The following SIPA1L3 variants were observed in gnomAD, a reference collection of about 807,000 sequenced individuals.
SIPA1L3 encodes the protein signal-induced proliferation-associated 1-like protein 3.
In SIPA1L3, 59 loss-of-function variants were observed where a neutral mutation model predicts 150.1. The observed-to-expected ratio is 0.39, with a 90% CI of 0.32 to 0.49. The LOEUF (loss-of-function observed/expected upper bound fraction) is 0.49. Among genes scored for constraint, SIPA1L3 ranks in the 20% least tolerant of loss-of-function variants. The pLI, the probability that SIPA1L3 is intolerant of heterozygous loss-of-function variation, is 0.86. For missense variants in SIPA1L3, 2,211 were observed against 2,489.5 expected (o/e 0.89, Z 2.38); for synonymous variants, 1,070 against 1,077.6 (o/e 0.99, Z 0.14).
At chr19:38,152,051 C>A (rs917820383) in intron 12 of SIPA1L3, among the ~76,000 whole-genome samples, 1 of 151,912 alleles carries the variant, frequency 6.6e-6, no homozygotes, top group Admixed American at 6.6e-5. Context: ...TAAATCCTAG[C>A]CTTGCATGTG....
intron 9 of SIPA1L3, among the ~76,000 whole-genome samples, chr19:38,124,325 GGTC>G (rs1214695882): frequency 6.7e-6 from 1 of 150,150 alleles, no homozygotes; most frequent in African/African-American, 2.5e-5. Context: ...TCCCAGACGG[GGTC>G]GCGGCCAGGC....
intron 14 of SIPA1L3, among the ~76,000 whole-genome samples, chr19:38,162,942 G>T (rs1219574050): frequency 6.6e-6 from 1 of 152,226 alleles, no homozygotes; most frequent in Non-Finnish European, 1.5e-5. Flanking sequence ...TGCAAGGGAG[G>T]CTGGGAAATG....
At chr19:38,030,647 T>TATATATATATATATATATATATATAA (rs1968631249) in intron 2 of SIPA1L3, among the ~76,000 whole-genome samples, 1 of 99,778 alleles carries the variant, frequency 1.0e-5, no homozygotes. Flanking sequence ...TATATATATA[T>TATATATATATATATATATATATATAA]ATATGGCAAA....
intron 3 of SIPA1L3, among the ~76,000 whole-genome samples, 160 bp downstream of exon 3, chr19:38,083,259 C>G (rs1033251661): frequency 6.6e-5 from 10 of 152,056 alleles, no homozygotes; most frequent in African/African-American, 2.4e-4. Context: ...ATCCGGTGAG[C>G]AGAGCCACCC....
In SIPA1L3 at chr19:38,206,502, A is replaced by G; in HGVS notation, c.*262A>G. On this transcript the variant is annotated 3_prime_UTR_variant, in exon 22 of 22. Coordinates refer to ENST00000222345, the MANE Select transcript of SIPA1L3 (RefSeq NM_015073.3). ...GGTCCCGGTGAGCTGGGCTGTGCTT[A>G]CACCGCTCCCGGGCCTGCCCCGCTG... The G allele has an allele frequency of 2.5e-6, 1 of 407,904 alleles. No individual in the cohort carries two copies. Among genetic ancestry groups the G allele is most frequent in the South Asian group, 4.2e-5 (1 of 23,784 alleles). The allele number at this position is 407,904 out of a possible 1,614,324, so 25.3% of individuals were successfully genotyped here. A position where few individuals can be genotyped will look rare whatever the true frequency, so the allele number is the denominator to read the frequency against.
At chr19:38,072,609 G>A (rs1260498715) in intron 2 of SIPA1L3, among the ~76,000 whole-genome samples, 1 of 152,266 alleles carries the variant, frequency 6.6e-6, no homozygotes, top group South Asian at 2.1e-4. Context: ...TTCAGCTCCA[G>A]CACTCCTGGT....
chr19:38,000,360 CT>C (rs1476304082), intron 1 of SIPA1L3, among the ~76,000 whole-genome samples: 1 of 151,608 alleles, frequency 6.6e-6, no homozygotes, highest in Non-Finnish European at 1.5e-5. Flanking sequence ...CCCAGCTACT[CT>C]GGAGGCTGAG....
Position 38,046,114 on chromosome 19 carries a change from C to T in SIPA1L3, c.-311+16958C>T, listed in dbSNP as rs1260958280. 1.3e-5 allele frequency among the ~76,000 whole-genome samples: 2 copies of T among 152,128 alleles called. No individual in the cohort carries two copies. Among genetic ancestry groups the T allele is most frequent in the Admixed American group, 1.3e-4 (2 of 15,272 alleles). On this transcript the variant is annotated intron_variant, in intron 2 of 21. Transcript: ENST00000222345. The surrounding 1 kb of genome is among the most constrained non-coding windows in gnomAD (Gnocchi z 5.6). The stretch of plus-strand genomic sequence containing the variant: ...CTTGAAGCTTTTTGCCGTCATCTGG[C>T]CACTCAGTCGGCGGGGTTGAGAGGA...
In SIPA1L3 at chr19:38,206,570, T is replaced by C. The variant is rs1178493037; in HGVS notation, c.*330T>C. The C allele has an allele frequency of 4.4e-6, 1 of 226,100 alleles. No homozygotes were observed. The highest frequency in any genetic ancestry group is 8.6e-6 in the Non-Finnish European group (1 of 116,552). The allele number at this position is 226,100 out of a possible 1,614,324, so 14.0% of individuals were successfully genotyped here. On this transcript the variant is annotated 3_prime_UTR_variant, in exon 22 of 22. Transcript: ENST00000222345. ...CCTGGGACCAGCCCTTCGAAGCTGA[T>C]GGGGACGGAGAGAGGAGCCAGTCTC... is the stretch of plus-strand genomic sequence containing the variant.
chr19:38,014,489 C>T (rs1384795435), intron 1 of SIPA1L3, among the ~76,000 whole-genome samples: 1 of 151,638 alleles, frequency 6.6e-6, no homozygotes, highest in Non-Finnish European at 1.5e-5. Flanking sequence ...TAATTCACGT[C>T]CACCCCAAGC....
intron 15 of SIPA1L3, among the ~76,000 whole-genome samples, chr19:38,169,564 G>C (rs1972282273): frequency 6.6e-6 from 1 of 152,168 alleles, no homozygotes; most frequent in Non-Finnish European, 1.5e-5. Context: ...TACATCATAG[G>C]GATGTGGTAA....
intron 1 of SIPA1L3, among the ~76,000 whole-genome samples, chr19:37,989,397 ATATT>A (rs1967441883): frequency 6.6e-6 from 1 of 152,102 alleles, no homozygotes; most frequent in South Asian, 2.1e-4. Context: ...TTTTTAAAAA[ATATT>A]TAGTAGAGAC....
At chr19:37,996,923 C>A (rs941971039) in intron 1 of SIPA1L3, among the ~76,000 whole-genome samples, 1 of 151,986 alleles carries the variant, frequency 6.6e-6, no homozygotes, top group African/African-American at 2.4e-5. Context: ...TCTCGAACTC[C>A]TGACCTCAGG....
Position 38,081,563 on chromosome 19 carries a change from A to G in SIPA1L3, c.-3A>G, listed in dbSNP as rs1969980565. The G allele has an allele frequency of 6.4e-7, 1 of 1,574,636 alleles. No homozygotes were observed. The highest frequency in any genetic ancestry group is 8.6e-7 in the Non-Finnish European group (1 of 1,156,602). ...GCCAGCAGCACTCCAGTGCCCGTGG[A>G]CTATGACCACCTATCGGGCCATCCC... On this transcript the variant is annotated 5_prime_UTR_variant, in exon 3 of 22. Coordinates refer to ENST00000222345, the MANE Select transcript of SIPA1L3 (RefSeq NM_015073.3).
chr19:38,155,192 G>A (rs188440150), intron 13 of SIPA1L3, among the ~76,000 whole-genome samples: 66 of 152,108 alleles, frequency 4.3e-4, no homozygotes, highest in Admixed American at 2.4e-3. Context: ...CATTCATTCC[G>A]GTGGGCAGGT....
At position 38,082,613 on chromosome 19, in the gene SIPA1L3, T is replaced by G. The variant is rs778652500; in HGVS notation, c.1048T>G (p.Phe350Val). Reference sequence around the variant, plus strand: ...CCACTTCGACGTGCAGAGCATGCTGTTCGACCTCAACGAGGCGGCCGCCAA... The same window carrying G: ...CCACTTCGACGTGCAGAGCATGCTGGTCGACCTCAACGAGGCGGCCGCCAA... The part of the protein sequence containing the change: ...FAHFDVQSML[F>V]DLNEAAANRV... Residue 350 changes from phenylalanine to valine, a missense_variant, in exon 3 of 22, where the codon TTC (phenylalanine) becomes GTC (valine). Physicochemically the swap from Phe to Val is conservative, Grantham distance 50. This residue lies in a region of SIPA1L3 where 587 missense variants were observed against 534.5 expected (regional missense o/e 1.10). Coordinates refer to ENST00000222345, the MANE Select transcript of SIPA1L3 (RefSeq NM_015073.3). 6 of 1,604,540 alleles carry G rather than the reference T, an allele frequency of 3.7e-6. No individual in the cohort carries two copies. In the East Asian group the frequency reaches 1.3e-4, roughly 36 times the overall value.
chr19:38,116,729 C>T (rs1970894452), intron 8 of SIPA1L3, among the ~76,000 whole-genome samples: 1 of 152,012 alleles, frequency 6.6e-6, no homozygotes, highest in Non-Finnish European at 1.5e-5. Context: ...TGGTGCACGC[C>T]TGTAATCCCA....
At chr19:38,172,704 A>C (rs1600168508) in intron 15 of SIPA1L3, among the ~76,000 whole-genome samples, 1 of 152,164 alleles carries the variant, frequency 6.6e-6, no homozygotes, top group East Asian at 1.9e-4. Flanking sequence ...AGGTGGCAGG[A>C]GCCTGGTTCT....
At chr19:38,103,628 C>CT (rs558638580) in intron 6 of SIPA1L3, among the ~76,000 whole-genome samples, 6 of 137,342 alleles carry the variant, frequency 4.4e-5, no homozygotes, top group Non-Finnish European at 7.8e-5. Context: ...AACTTCATCT[C>CT]AAAAAAAAAA....
Sources: allele counts gnomAD v4.1 joint callset (sites outside exome capture counted in the v4.1 genomes callset), GRCh38; gene constraint gnomAD v4.1.1; regional missense constraint gnomAD v4.1.1; non-coding constraint Gnocchi (gnomAD v3.1); transcripts MANE v1.5; gene names NCBI Gene and HGNC (gene_info 2026-07-23, HGNC 2026-07-21).